Variants in ERICH1 observed in about 807,000 individuals in gnomAD.
ERICH1 encodes the protein glutamate-rich protein 1.
A neutral mutation model predicts 39.6 loss-of-function variants in ERICH1; 56 were observed. That is an observed-to-expected ratio of 1.41 (90% confidence interval 1.14 to 1.77). ERICH1 has a LOEUF of 1.77. Ranked by LOEUF, ERICH1 falls within the 40% of genes most tolerant of loss-of-function variation. ERICH1 has a pLI of 0.00. For missense variants in ERICH1, 826 were observed against 575.4 expected, an observed-to-expected ratio of 1.44 and a Z score of -4.45; for synonymous variants, 313 against 223.6, an observed-to-expected ratio of 1.40 and a Z score of -3.57.
intron 3 of ERICH1, among the ~76,000 whole-genome samples, chr8:655,000 C>A (rs548572641): frequency 3.2e-4 from 49 of 152,326 alleles, no homozygotes; most frequent in African/African-American, 1.2e-3. Context: ...CTCACTTGGG[C>A]ACTTTAATTA....
In ERICH1 at chr8:673,388, C is replaced by T. The variant is rs772477497; in HGVS notation, c.964G>A (p.Gly322Ser). The T allele has an allele frequency of 5.6e-6, 9 of 1,614,082 alleles. No homozygotes were observed. The highest frequency in any genetic ancestry group is 3.3e-5 in the Admixed American group (2 of 60,008). Reference sequence around the variant, plus strand: ...TCATCTTCCTCGCTGGCGTCTGCACCGTCCTCCTCCCCGGAGTCTGCACCC... The same window carrying T: ...TCATCTTCCTCGCTGGCGTCTGCACTGTCCTCCTCCCCGGAGTCTGCACCC... ...EEGADSGEED[G>S]ADASEEDDTI... The change falls in exon 4 of 6, where the codon GGT becomes AGT. Residue 322 changes from glycine to serine, a missense_variant. Transcript: ENST00000262109.
At chr8:617,557 G>A (rs1796999860) in intron 3 of ERICH1, among the ~76,000 whole-genome samples, 1 of 151,586 alleles carries the variant, frequency 6.6e-6, no homozygotes, top group African/African-American at 2.4e-5. Context: ...TCAGTACTTG[G>A]TACTCAGTCT....
rs1174837466 is a variant in ERICH1 at position 646,101 on chromosome 8, G to A, written c.976+22497C>T. Reference sequence around the variant, plus strand: ...TTCTTTCTCTGAAGGTTTGGCATTGGCCTTGCAAGATGGCGGCTATCATCA... The same window carrying A: ...TTCTTTCTCTGAAGGTTTGGCATTGACCTTGCAAGATGGCGGCTATCATCA... On this transcript the variant is annotated intron_variant, in intron 3 of 3. Transcript: ENST00000522706. 2.9e-5 allele frequency among the ~76,000 whole-genome samples: 2 copies of A among 68,896 alleles called. 1 individual carries two copies. The highest frequency in any genetic ancestry group is 7.3e-5 in the African/African-American group (2 of 27,252). The allele number at this position is 68,896 out of a possible 152,430, so 45.2% of individuals were successfully genotyped here. A position where few individuals can be genotyped will look rare whatever the true frequency, so the allele number is the denominator to read the frequency against.
At chr8:659,173 C>T (rs1801087712) in intron 3 of ERICH1, among the ~76,000 whole-genome samples, 1 of 8,852 alleles carries the variant, frequency 1.1e-4, no homozygotes, top group Admixed American at 7.3e-4. Flanking sequence ...CCATCGAGAT[C>T]TCCGGTGTGC....
chr8:679,184 C>A, intron 3 of ERICH1, among the ~76,000 whole-genome samples: 1 of 146,820 alleles, frequency 6.8e-6, no homozygotes, highest in African/African-American at 2.5e-5. Context: ...CAGCACCCAC[C>A]CCTCAAAGCT....
At chr8:660,573 C>T (rs1184508132), downstream of ERICH1, among the ~76,000 whole-genome samples, 1 of 152,264 alleles carries the variant, frequency 6.6e-6, no homozygotes, top group East Asian at 1.9e-4. Context: ...ACTGAATCCC[C>T]ACCCAAAGAC....
At chr8:700,349 G>T (rs149431259) in intron 2 of ERICH1, among the ~76,000 whole-genome samples, 4 of 74,714 alleles carry the variant, frequency 5.4e-5, no homozygotes, top group African/African-American at 1.6e-4. Context: ...GCACAGATCC[G>T]CACACGCGCA....
intron 1 of ERICH1, among the ~76,000 whole-genome samples, chr8:727,021 T>C (rs1818918146): frequency 6.8e-6 from 1 of 147,826 alleles, no homozygotes; most frequent in Admixed American, 6.7e-5. Flanking sequence ...CACACATGCA[T>C]GCACACACAT....
intron 2 of ERICH1, among the ~76,000 whole-genome samples, chr8:699,701 GCA>G (rs1448096276): frequency 6.8e-6 from 1 of 147,590 alleles, no homozygotes; most frequent in East Asian, 2.0e-4. Flanking sequence ...TCACACAGGC[GCA>G]CAGACCCGCA....
intron 3 of ERICH1, among the ~76,000 whole-genome samples, chr8:637,838 A>G (rs1297423505): frequency 6.6e-6 from 1 of 152,206 alleles, no homozygotes; most frequent in African/African-American, 2.4e-5. Flanking sequence ...TGTAGTCACC[A>G]GCCGTGCGAG....
intron 3 of ERICH1, among the ~76,000 whole-genome samples, chr8:622,478 C>T (rs60307983): frequency 0.086 from 13,136 of 152,122 alleles, 1,343 homozygotes; most frequent in African/African-American, 0.25. Flanking sequence ...AAGCAGAGAA[C>T]GAAGCTTTTC....
intron 1 of ERICH1, among the ~76,000 whole-genome samples, chr8:727,736 G>A (rs549170886): frequency 1.3e-4 from 20 of 152,248 alleles, no homozygotes; most frequent in South Asian, 2.1e-4. Flanking sequence ...AGGCCCAGCC[G>A]GGCCAGCAAG....
intron 2 of ERICH1, among the ~76,000 whole-genome samples, chr8:701,000 C>T (rs779633527): frequency 2.2e-4 from 34 of 152,278 alleles, no homozygotes; most frequent in Non-Finnish European, 1.8e-4. Context: ...AACCACGCTG[C>T]GTGCAGCATC....
At position 715,868 on chromosome 8, in the gene ERICH1, A is replaced by G; in HGVS notation, c.162T>C (p.Pro54=). 6.2e-7 allele frequency: 1 copy of G among 1,611,476 alleles called. No homozygotes were observed. Among genetic ancestry groups the G allele is most frequent in the Non-Finnish European group, 8.5e-7 (1 of 1,179,120 alleles). The part of the protein sequence containing the change: ...SEKVSQKHAE[P]LTDTGSETPT... Reference sequence around the variant, plus strand: ...ATCTGCAGACAAACTCACCTGTCAAAGGCTCAGCATGTTTCTGGCTCACTT... The same window carrying G: ...ATCTGCAGACAAACTCACCTGTCAAGGGCTCAGCATGTTTCTGGCTCACTT... The change falls in exon 2 of 6, where the codon CCT becomes CCC. Residue 54 remains proline (P), a synonymous_variant. Coordinates refer to ENST00000262109, the MANE Select transcript of ERICH1 (RefSeq NM_207332.3).
chr8:655,864 CCTGT>C (rs1800596278), intron 3 of ERICH1, among the ~76,000 whole-genome samples: 1 of 152,132 alleles, frequency 6.6e-6, no homozygotes, highest in South Asian at 2.1e-4. Flanking sequence ...CACATCCTTT[CCTGT>C]CTTACTTTTC....
chr8:709,089 T>C lies in ERICH1; in HGVS notation c.169+6772A>G, dbSNP rs537208133. Reference sequence around the variant, plus strand: ...TGTCAATATACTAAAAAGCAGTAAATTGTATACTTTGAATTGGTTGATTTG... The same window carrying C: ...TGTCAATATACTAAAAAGCAGTAAACTGTATACTTTGAATTGGTTGATTTG... On this transcript the variant is annotated intron_variant, in intron 2 of 5. Transcript: ENST00000262109. 4.0e-4 allele frequency among the ~76,000 whole-genome samples: 61 copies of C among 152,234 alleles called. 2 individuals carry two copies. In the South Asian group the frequency reaches 0.012, roughly 31 times the overall value.
intron 2 of ERICH1, among the ~76,000 whole-genome samples, chr8:713,125 T>C (rs908880623): frequency 1.3e-5 from 2 of 152,262 alleles, no homozygotes; most frequent in African/African-American, 4.8e-5. Flanking sequence ...ATGTGTGTCC[T>C]GATCTCATCT....
In ERICH1 at chr8:627,359, G is replaced by T. The variant is rs1039796765; in HGVS notation, c.977-12075C>A. ...GCTCCTTGTCTCCCATTCCTGGACA[G>T]GAAAAGTCTGCACCTCACTGAGAGC... On this transcript the variant is annotated intron_variant, in intron 3 of 3. Transcript: ENST00000522706. The T allele has an allele frequency of 3.7e-5, 14 of 382,222 alleles. 1 individual carries two copies. Among genetic ancestry groups the T allele is most frequent in the South Asian group, 2.6e-4 (14 of 53,746 alleles). The allele number at this position is 382,222 out of a possible 1,614,324, so 23.7% of individuals were successfully genotyped here. A position where few individuals can be genotyped will look rare whatever the true frequency, so the allele number is the denominator to read the frequency against.
rs1174876468 is a variant in ERICH1, at chr8:731,175, G to T, written c.-14C>A. 24 of 1,503,612 alleles carry T rather than the reference G, an allele frequency of 1.6e-5. No individual in the cohort carries two copies. The highest frequency in any genetic ancestry group is 2.1e-5 in the Non-Finnish European group (24 of 1,128,424). 93.1% of individuals were successfully genotyped at this position (1,503,612 alleles called of 1,614,324 possible). ...GTGCGCCGCCATGCGGGACCCTGCC[G>T]CGGACCTCAGACCACGGCGCGCGGT... On this transcript the variant is annotated 5_prime_UTR_variant, in exon 1 of 6. Transcript: ENST00000262109.
Sources: allele counts gnomAD v4.1 joint callset (sites outside exome capture counted in the v4.1 genomes callset), GRCh38; gene constraint gnomAD v4.1.1; transcripts MANE v1.5; gene names NCBI Gene and HGNC (gene_info 2026-07-23, HGNC 2026-07-21).